Variants in ANK3 observed in about 807,000 individuals in gnomAD.
ANK3 encodes ankyrin-3.
A neutral mutation model predicts 370.9 loss-of-function variants in ANK3; 57 were observed. The observed-to-expected ratio is 0.15, with a 90% CI of 0.12 to 0.19. The LOEUF (loss-of-function observed/expected upper bound fraction) is 0.19. Among genes scored for constraint, ANK3 ranks in the 10% least tolerant of loss-of-function variants. The probability of loss-of-function intolerance (pLI) is 1.00; values close to 1 mark genes in which losing one functional copy is unlikely to be tolerated. For missense variants in ANK3, 4,439 were observed against 5,302.1 expected (o/e 0.84, Z 5.06); for synonymous variants, 1,929 against 1,946.3 (o/e 0.99, Z 0.23).
intron 1 of ANK3, among the ~76,000 whole-genome samples, chr10:60,294,840 A>G (rs572169023): frequency 6.6e-6 from 1 of 152,314 alleles, no homozygotes; most frequent in South Asian, 2.1e-4. Context: ...TAAATACAAC[A>G]AAAGGGCAAA....
chr10:60,145,173 A>C (rs1053237355), intron 23 of ANK3, among the ~76,000 whole-genome samples: 7 of 152,220 alleles, frequency 4.6e-5, no homozygotes, highest in Non-Finnish European at 1.0e-4. Flanking sequence ...AGAATCTCCC[A>C]TTATAAAGTT....
chr10:60,311,684 T>A (rs974594751), intron 1 of ANK3, among the ~76,000 whole-genome samples: 1 of 152,170 alleles, frequency 6.6e-6, no homozygotes, highest in Non-Finnish European at 1.5e-5. Context: ...ATATTCCTCC[T>A]AAAGGCAATT....
Position 60,645,596 on chromosome 10 carries a change from G to T in ANK3, c.58-30372C>A, listed in dbSNP as rs551957702. ...AAAAATTAGCTGGCCATGGTGGTGGGTGCCTGTAATCCCAACTACTACGGA... is the reference window on the plus strand; with the variant it reads ...AAAAATTAGCTGGCCATGGTGGTGGTTGCCTGTAATCCCAACTACTACGGA... On this transcript the variant is annotated intron_variant, in intron 1 of 43. Coordinates refer to the ANK3 transcript ENST00000373827. Among the ~76,000 whole-genome samples the T allele has an allele frequency of 3.3e-5, 5 of 152,130 alleles. No homozygotes were observed. In the South Asian group the frequency reaches 8.3e-4, roughly 25 times the overall value.
intron 42 of ANK3, among the ~76,000 whole-genome samples, chr10:60,049,805 G>C (rs1445283322): frequency 6.6e-6 from 1 of 152,148 alleles, no homozygotes; most frequent in Non-Finnish European, 1.5e-5. Flanking sequence ...AAAGGAAATA[G>C]CCCTTATTGA....
intron 1 of ANK3, among the ~76,000 whole-genome samples, chr10:60,642,038 C>A (rs1394637697): frequency 7.1e-6 from 1 of 140,222 alleles, no homozygotes; most frequent in Non-Finnish European, 1.6e-5. Flanking sequence ...AAAATGTTCA[C>A]CATCACTGGC....
intron 1 of ANK3, among the ~76,000 whole-genome samples, chr10:60,726,942 A>T (rs1437067493): frequency 6.6e-6 from 1 of 152,128 alleles, no homozygotes; most frequent in Non-Finnish European, 1.5e-5. Context: ...ATTGCATTTA[A>T]AAAATTCTCA....
intron 1 of ANK3, among the ~76,000 whole-genome samples, chr10:60,379,146 A>G (rs183196474): frequency 3.8e-4 from 58 of 152,290 alleles, no homozygotes; most frequent in Admixed American, 9.2e-4. Context: ...TCAAAACCAC[A>G]ATGAGGTATC....
At chr10:60,609,468 G>C (rs1342154647) in intron 2 of ANK3, among the ~76,000 whole-genome samples, 7 of 152,038 alleles carry the variant, frequency 4.6e-5, no homozygotes, top group African/African-American at 1.7e-4. Flanking sequence ...GTTTAGATGT[G>C]ACAATAGATG....
intron 2 of ANK3, among the ~76,000 whole-genome samples, chr10:60,415,916 G>GGGGGGGGC: frequency 1.2e-5 from 1 of 81,276 alleles, no homozygotes; most frequent in South Asian, 4.9e-4. Context: ...CTGAATTTGT[G>GGGGGGGGC]CCCCCCACCC....
intron 2 of ANK3, among the ~76,000 whole-genome samples, chr10:60,466,223 G>A (rs1221706853): frequency 6.6e-6 from 1 of 152,164 alleles, no homozygotes; most frequent in East Asian, 1.9e-4. Context: ...GTATCTGAAG[G>A]ACTAGCTTCG....
At chr10:60,537,696 C>A (rs1393858667) in intron 2 of ANK3, among the ~76,000 whole-genome samples, 1 of 151,888 alleles carries the variant, frequency 6.6e-6, no homozygotes, top group East Asian at 1.9e-4. Flanking sequence ...TAAGGTATTG[C>A]ACAAATGAAA....
At chr10:60,138,221 G>A (rs187654050) in intron 24 of ANK3, among the ~76,000 whole-genome samples, 7 of 152,276 alleles carry the variant, frequency 4.6e-5, no homozygotes, top group Admixed American at 3.3e-4. Flanking sequence ...TGTCCTCAGG[G>A]CTCTGGCTTA....
intron 1 of ANK3, among the ~76,000 whole-genome samples, chr10:60,361,474 A>G (rs1243262023): frequency 6.6e-6 from 1 of 152,118 alleles, no homozygotes; most frequent in Non-Finnish European, 1.5e-5. Context: ...TGTGAATTTA[A>G]TTTTCGGTTT....
At chr10:60,146,744 T>C (rs532589621) in intron 23 of ANK3, among the ~76,000 whole-genome samples, 2 of 152,272 alleles carry the variant, frequency 1.3e-5, no homozygotes, top group African/African-American at 2.4e-5. Flanking sequence ...CCTCCCAAAG[T>C]GCTGGGATTA....
chr10:60,664,088 G>T (rs75691895), intron 1 of ANK3, among the ~76,000 whole-genome samples: 1 of 152,184 alleles, frequency 6.6e-6, no homozygotes, highest in Non-Finnish European at 1.5e-5. Context: ...GCTTCCCACC[G>T]CGCTGTCAGG....
chr10:60,266,675 G>A (rs1176070400), intron 5 of ANK3, among the ~76,000 whole-genome samples: 1 of 152,154 alleles, frequency 6.6e-6, no homozygotes. Flanking sequence ...TCCTGCATAA[G>A]CCAATTAAAG....
At chr10:60,117,566 C>T (rs1326158762) in intron 25 of ANK3, among the ~76,000 whole-genome samples, 1 of 152,146 alleles carries the variant, frequency 6.6e-6, no homozygotes, top group Admixed American at 6.5e-5. Context: ...TGACTAATCC[C>T]AGCACTTTGG....
At chr10:60,658,941 G>A (rs114275217) in intron 1 of ANK3, among the ~76,000 whole-genome samples, 6,466 of 149,046 alleles carry the variant, frequency 0.043, 181 homozygotes, top group Middle Eastern at 0.075. Context: ...AAAGAAAAGA[G>A]AAAAAAGAGG....
At position 60,029,875 on chromosome 10, in the gene ANK3, C is replaced by CTTTTTTTTTTTTTTTTTTTTTTTTT. The variant is rs71015756; in HGVS notation, c.*20-74_*20-50dup. On this transcript the variant is annotated intron_variant, in intron 43 of 43. Transcript: ENST00000280772. ...TGAGTTTAGCTTTCTTTTTCTTTTT[C>CTTTTTTTTTTTTTTTTTTTTTTTTT]TTTTTTTTTTTTTTTTTTTTTTTTT... The CTTTTTTTTTTTTTTTTTTTTTTTTT allele has an allele frequency of 2.8e-3, 189 of 68,648 alleles. 12 individuals are homozygous for CTTTTTTTTTTTTTTTTTTTTTTTTT. The highest frequency in any genetic ancestry group is 3.2e-3 in the Non-Finnish European group (129 of 39,954). 4.3% of individuals were successfully genotyped at this position (68,648 alleles called of 1,614,324 possible).
Sources: gnomAD v4.1 joint callset for allele counts (sites outside exome capture counted in the v4.1 genomes callset) on GRCh38, gnomAD v4.1.1 for gene constraint, MANE v1.5 for transcripts, NCBI Gene and HGNC (gene_info 2026-07-23, HGNC 2026-07-21) for gene names.